Variants in MED13L observed in about 807,000 individuals in gnomAD.
MED13L encodes the protein mediator of RNA polymerase II transcription subunit 13-like.
MED13L carries 7 observed loss-of-function variants against 220.9 expected under a neutral mutation model. The observed-to-expected ratio is 0.03, with a 90% CI of 0.02 to 0.06. MED13L has a LOEUF of 0.06. Among genes scored for constraint, MED13L ranks in the 10% least tolerant of loss-of-function variants. The probability of loss-of-function intolerance (pLI) is 1.00; values close to 1 mark genes in which losing one functional copy is unlikely to be tolerated. For synonymous variants in MED13L, 1,011 were observed against 1,015.2 expected (o/e 1.00, Z 0.08); for missense variants, 1,965 against 2,760.5 (o/e 0.71, Z 6.46).
intron 1 of MED13L, among the ~76,000 whole-genome samples, chr12:116,274,468 C>T (rs1353994385): frequency 2.7e-5 from 4 of 148,714 alleles, no homozygotes; most frequent in Non-Finnish European, 5.9e-5. Context: ...AAAATGCATG[C>T]TATTATTAAA....
intron 28 of MED13L, among the ~76,000 whole-genome samples, chr12:115,968,058 C>CCCCG (rs1876314921): frequency 8.1e-6 from 1 of 124,088 alleles, no homozygotes; most frequent in South Asian, 3.7e-4. Flanking sequence ...AAAAGTCCCC[C>CCCCG]CCCCCCCCCG....
intron 11 of MED13L, 26 bp from the exon 12 acceptor site, chr12:116,006,437 AAC>A (rs1354974780): frequency 6.4e-7 from 1 of 1,558,272 alleles, no homozygotes; most frequent in Admixed American, 1.7e-5. Flanking sequence ...AGCCAAACAA[AAC>A]ACATGAACAC....
chr12:116,183,012 G>T (rs192932136), intron 2 of MED13L, among the ~76,000 whole-genome samples: 201 of 152,036 alleles, frequency 1.3e-3, no homozygotes, highest in African/African-American at 4.3e-3. Context: ...AAGAAAGAAT[G>T]AATGTATTTT....
At chr12:116,070,764 T>C (rs573573404) in intron 4 of MED13L, among the ~76,000 whole-genome samples, 42 of 152,312 alleles carry the variant, frequency 2.8e-4, no homozygotes, top group African/African-American at 9.6e-4. Flanking sequence ...CACAGAAATC[T>C]TTAAAGATAC....
intron 1 of MED13L, among the ~76,000 whole-genome samples, chr12:116,254,109 G>A (rs1370597494): frequency 4.0e-5 from 6 of 151,892 alleles, no homozygotes; most frequent in Non-Finnish European, 7.4e-5. Flanking sequence ...ACCTTACGGG[G>A]ATATCAGAAA....
At chr12:115,970,405 T>C (rs1223007585) in intron 27 of MED13L, among the ~76,000 whole-genome samples, 189 bp downstream of exon 27, 1 of 152,258 alleles carries the variant, frequency 6.6e-6, no homozygotes, top group Non-Finnish European at 1.5e-5. Context: ...AATATTTATT[T>C]GGTCTTGTTA....
At chr12:116,020,664 C>G (rs1362351525) in intron 5 of MED13L, among the ~76,000 whole-genome samples, 1 of 152,126 alleles carries the variant, frequency 6.6e-6, no homozygotes, top group South Asian at 2.1e-4. Context: ...ACCCAAAGTC[C>G]TCTATCTTCT....
At chr12:116,030,329 C>T (rs1044372904) in intron 4 of MED13L, among the ~76,000 whole-genome samples, 6 of 151,870 alleles carry the variant, frequency 4.0e-5, no homozygotes, top group Admixed American at 2.0e-4. Flanking sequence ...AAAACTTAAA[C>T]GTGTAGTTCC....
chr12:115,991,921 G>C lies in MED13L; in HGVS notation c.3033C>G (p.Asp1011Glu), dbSNP rs1878087028. Reference protein sequence around the residue: ...VPSVGSLADPDYLNTPQMNTP... With the variant: ...VPSVGSLADPEYLNTPQMNTP... Reference sequence around the variant, plus strand: ...TGTTCATCTGTGGTGTGTTCAGATAGTCTGGATCTGCTAGGCTCCCAACAC... The same window carrying C: ...TGTTCATCTGTGGTGTGTTCAGATACTCTGGATCTGCTAGGCTCCCAACAC... The change falls in exon 17 of 31, where the codon GAC (aspartate) becomes GAG (glutamate). Residue 1011 changes from aspartate to glutamate, a missense_variant. Transcript: ENST00000281928. This position sits in a 1 kb window ranked among gnomAD's most constrained non-coding sequence, Gnocchi z 7.7. 6 of 1,600,080 alleles carry C rather than the reference G, an allele frequency of 3.7e-6. No homozygotes were observed. The highest frequency in any genetic ancestry group is 1.7e-4 in the Middle Eastern group (1 of 6,060).
At chr12:116,153,796 T>C (rs1593107136) in intron 2 of MED13L, among the ~76,000 whole-genome samples, 1 of 152,190 alleles carries the variant, frequency 6.6e-6, no homozygotes, top group South Asian at 2.1e-4. Flanking sequence ...TCTGGTTTAA[T>C]GCTCCCTTTG....
At chr12:116,231,583 G>C (rs1869557345) in intron 2 of MED13L, among the ~76,000 whole-genome samples, 1 of 152,154 alleles carries the variant, frequency 6.6e-6, no homozygotes, top group South Asian at 2.1e-4. Context: ...CTGGATCAGA[G>C]AGAGAGAAAA....
chr12:116,178,035 T>C (rs910076862), intron 2 of MED13L, among the ~76,000 whole-genome samples: 2 of 151,010 alleles, frequency 1.3e-5, no homozygotes, highest in Non-Finnish European at 3.0e-5. Context: ...TGTTTGCTTG[T>C]TTGTTTGTTT....
chr12:116,197,767 A>G (rs1168085893), intron 2 of MED13L, among the ~76,000 whole-genome samples: 1 of 151,166 alleles, frequency 6.6e-6, no homozygotes, highest in Non-Finnish European at 1.5e-5. Context: ...CTCCGTCTCA[A>G]AAAAAGAAAA....
At chr12:116,189,263 A>G (rs1881109637) in intron 2 of MED13L, among the ~76,000 whole-genome samples, 1 of 152,172 alleles carries the variant, frequency 6.6e-6, no homozygotes, top group Admixed American at 6.5e-5. Context: ...GGTAAAAACT[A>G]ATGATGCTGA....
At chr12:116,038,744 C>CAAAAAAAAAAAAAAAAAAAAA (rs63703461) in intron 4 of MED13L, among the ~76,000 whole-genome samples, 11 of 75,260 alleles carry the variant, frequency 1.5e-4, no homozygotes, top group African/African-American at 6.6e-4. Flanking sequence ...GTCAAAAGGC[C>CAAAAAAAAAAAAAAAAAAAAA]AAAAAAAAAA....
chr12:116,186,993 T>C (rs1409294293), intron 2 of MED13L, among the ~76,000 whole-genome samples: 1 of 152,208 alleles, frequency 6.6e-6, no homozygotes, highest in Non-Finnish European at 1.5e-5. Flanking sequence ...AGCTGCTTCC[T>C]GCTATGCCGC....
At chr12:116,262,897 T>C (rs1179474956) in intron 1 of MED13L, among the ~76,000 whole-genome samples, 1 of 152,176 alleles carries the variant, frequency 6.6e-6, no homozygotes, top group East Asian at 1.9e-4. Context: ...CTCAAGTAAT[T>C]TGTAGACAAC....
At chr12:116,195,041 G>A (rs1001694235) in intron 2 of MED13L, among the ~76,000 whole-genome samples, 5 of 152,220 alleles carry the variant, frequency 3.3e-5, no homozygotes, top group Non-Finnish European at 5.9e-5. Flanking sequence ...GACTGAGGCC[G>A]AAATTGGGCT....
chr12:115,975,378 A>T (rs1876867098), intron 24 of MED13L, 65 bp from the exon 25 acceptor site: 3 of 1,611,358 alleles, frequency 1.9e-6, no homozygotes, highest in Non-Finnish European at 8.5e-7. Context: ...TTTATCACTT[A>T]TAAGACAAAC....
Sources: gnomAD v4.1 joint callset for allele counts (sites outside exome capture counted in the v4.1 genomes callset) on GRCh38, gnomAD v4.1.1 for gene constraint, Gnocchi (gnomAD v3.1) non-coding constraint, MANE v1.5 for transcripts, NCBI Gene and HGNC (gene_info 2026-07-23, HGNC 2026-07-21) for gene names.